The following RELL1 variants were observed in gnomAD, a reference collection of about 807,000 sequenced individuals.
RELL1 encodes the protein RELT like 1, also known as RELT-like protein 1.
In RELL1, 10 loss-of-function variants were observed where a neutral mutation model predicts 23.0. That is an observed-to-expected ratio of 0.43 (90% CI 0.27 to 0.74). The LOEUF (loss-of-function observed/expected upper bound fraction) is 0.74. RELL1 is among the 30% of genes least tolerant of loss of function. The probability of loss-of-function intolerance (pLI) is 0.19; values close to 1 mark genes in which losing one functional copy is unlikely to be tolerated. For synonymous variants in RELL1, 146 were observed against 146.8 expected, an observed-to-expected ratio of 0.99 and a Z score of 0.04; for missense variants, 315 against 364.4, an observed-to-expected ratio of 0.86 and a Z score of 1.10.
intron 1 of RELL1, among the ~76,000 whole-genome samples, chr4:37,651,118 T>C (rs918639699): frequency 2.0e-5 from 3 of 152,062 alleles, no homozygotes; most frequent in Non-Finnish European, 4.4e-5. Flanking sequence ...GCCTTATATA[T>C]GTTCCTGTCA....
intron 6 of RELL1, among the ~76,000 whole-genome samples, chr4:37,604,798 G>GACACACACACACACACACACACACACAC (rs368655689): frequency 5.2e-5 from 6 of 116,334 alleles, no homozygotes; most frequent in Admixed American, 8.3e-5. Flanking sequence ...CACACACACA[G>GACACACACACACACACACACACACACAC]ACACACACAC....
At position 37,647,441 on chromosome 4, in the gene RELL1, T is replaced by C; in HGVS notation, c.314-2A>G. The C allele has an allele frequency of 6.2e-7, 1 of 1,609,694 alleles. No individual in the cohort carries two copies. Among genetic ancestry groups the C allele is most frequent in the Non-Finnish European group, 8.5e-7 (1 of 1,176,130 alleles). The stretch of plus-strand genomic sequence containing the variant: ...TTTCATTCACACTGTCATTCAATTC[T>C]GAAAGAGAAAAGAGGAGGGGAGAAC... On this transcript the variant is annotated splice_acceptor_variant, in intron 2 of 6. Coordinates refer to ENST00000454158, the MANE Select transcript of RELL1 (RefSeq NM_001085400.2). LOFTEE classifies it high-confidence loss of function.
At position 37,626,919 on chromosome 4, in the gene RELL1, AG is replaced by A. The variant is rs541510231; in HGVS notation, c.*3+4465del. On this transcript the variant is annotated intron_variant, in intron 6 of 6. Coordinates refer to ENST00000454158, the MANE Select transcript of RELL1 (RefSeq NM_001085400.2). ...GGTCAAAAGACACAAAATTTTAGTT[AG>A]AGGGGATAAATAATTTCAAGAGATC... Among the ~76,000 whole-genome samples, 14 of 152,296 alleles carry A rather than the reference AG, an allele frequency of 9.2e-5. 1 individual carries two copies. In the South Asian group the frequency reaches 2.9e-3, roughly 32 times the overall value.
At chr4:37,627,923 ATCT>A (rs1206196189) in intron 6 of RELL1, among the ~76,000 whole-genome samples, 1 of 152,222 alleles carries the variant, frequency 6.6e-6, no homozygotes, top group East Asian at 1.9e-4. Flanking sequence ...TCCAGTGCAG[ATCT>A]TCTGGCTTCG....
At chr4:37,618,784 T>C (rs1465652786) in intron 6 of RELL1, among the ~76,000 whole-genome samples, 1 of 152,260 alleles carries the variant, frequency 6.6e-6, no homozygotes, top group African/African-American at 2.4e-5. Flanking sequence ...CACAAAGGTC[T>C]AGACCATTGT....
intron 6 of RELL1, among the ~76,000 whole-genome samples, chr4:37,614,408 T>C (rs951972462): frequency 6.6e-6 from 1 of 152,024 alleles, no homozygotes; most frequent in African/African-American, 2.4e-5. Flanking sequence ...CCAAATGAGA[T>C]GATGAGTAAA....
intron 6 of RELL1, among the ~76,000 whole-genome samples, chr4:37,619,808 C>T (rs921770052): frequency 1.3e-5 from 2 of 151,874 alleles, no homozygotes; most frequent in Non-Finnish European, 2.9e-5. Flanking sequence ...TGGCCTCGAG[C>T]CATCCTCCCA....
At chr4:37,638,953 G>A (rs1311782189) in intron 3 of RELL1, among the ~76,000 whole-genome samples, 1 of 152,108 alleles carries the variant, frequency 6.6e-6, no homozygotes, top group Non-Finnish European at 1.5e-5. Flanking sequence ...ACTTGTATGT[G>A]CCAAAATAAT....
intron 6 of RELL1, among the ~76,000 whole-genome samples, chr4:37,618,472 A>T (rs1054799906): frequency 2.6e-5 from 4 of 151,952 alleles, no homozygotes; most frequent in Admixed American, 6.6e-5. Flanking sequence ...TTCTGGCTTC[A>T]AGCAGTCCTC....
intron 1 of RELL1, among the ~76,000 whole-genome samples, chr4:37,673,186 C>CTTTTTTTTTTTTTTTTTTTTTT (rs71189095): frequency 4.3e-5 from 4 of 93,190 alleles, no homozygotes; most frequent in Admixed American, 1.8e-4. Context: ...CTTTTTTTTT[C>CTTTTTTTTTTTTTTTTTTTTTT]TTTTTTTTTT....
At chr4:37,599,605 A>G (rs1202369876) in intron 6 of RELL1, among the ~76,000 whole-genome samples, 1 of 152,216 alleles carries the variant, frequency 6.6e-6, no homozygotes, top group Non-Finnish European at 1.5e-5. Flanking sequence ...ATCTAGTGCT[A>G]CTACAGGACT....
intron 6 of RELL1, chr4:37,622,800 T>TG (rs576539875): frequency 1.5e-5 from 3 of 195,140 alleles, no homozygotes; most frequent in Admixed American, 1.2e-4. Context: ...CAAGTAATGC[T>TG]TTTTTTTTTT....
At chr4:37,684,349 C>CAAA (rs372907719) in intron 1 of RELL1, among the ~76,000 whole-genome samples, 3,840 of 137,744 alleles carry the variant, frequency 0.028, 178 homozygotes, top group African/African-American at 0.096. Flanking sequence ...TAATTTTCAT[C>CAAA]AAAAAAAAAA....
At chr4:37,665,661 G>A (rs1030385272) in intron 1 of RELL1, among the ~76,000 whole-genome samples, 2 of 152,066 alleles carry the variant, frequency 1.3e-5, no homozygotes, top group East Asian at 1.9e-4. Context: ...AAGTAGCAAG[G>A]GCCAGAAAAA....
At chr4:37,642,476 C>A (rs957642013) in intron 3 of RELL1, among the ~76,000 whole-genome samples, 1 of 152,168 alleles carries the variant, frequency 6.6e-6, no homozygotes, top group Non-Finnish European at 1.5e-5. Flanking sequence ...CTAGCACTGC[C>A]GTACATCCAA....
At chr4:37,674,628 C>T (rs1275081287) in intron 1 of RELL1, among the ~76,000 whole-genome samples, 4 of 152,180 alleles carry the variant, frequency 2.6e-5, no homozygotes, top group African/African-American at 7.2e-5. Flanking sequence ...CAGGAAATTC[C>T]GGGCAGCTGT....
intron 6 of RELL1, among the ~76,000 whole-genome samples, chr4:37,620,217 C>A (rs1220461174): frequency 2.0e-5 from 3 of 152,154 alleles, no homozygotes; most frequent in Non-Finnish European, 2.9e-5. Flanking sequence ...ATATTATCTT[C>A]TTTGTTGAAT....
chr4:37,614,646 A>G (rs1719514358), intron 6 of RELL1, among the ~76,000 whole-genome samples: 1 of 151,936 alleles, frequency 6.6e-6, no homozygotes, highest in Non-Finnish European at 1.5e-5. Flanking sequence ...TAGAAAGGCC[A>G]GAGGTAGAGA....
intron 1 of RELL1, among the ~76,000 whole-genome samples, chr4:37,679,155 T>G (rs976389718): frequency 6.6e-6 from 1 of 152,170 alleles, no homozygotes; most frequent in Non-Finnish European, 1.5e-5. Context: ...CTTGGGTAGA[T>G]TCAGTTTCTC....
Sources: allele counts gnomAD v4.1 joint callset (sites outside exome capture counted in the v4.1 genomes callset), GRCh38; gene constraint gnomAD v4.1.1; transcripts MANE v1.5; gene names NCBI Gene and HGNC (gene_info 2026-07-23, HGNC 2026-07-21).